LNX2: variants seen among roughly 807,000 people sequenced by gnomAD.
LNX2 encodes ligand of numb-protein X 2.
A neutral mutation model predicts 66.2 loss-of-function variants in LNX2; 35 were observed. That is an observed-to-expected ratio of 0.53 (90% CI 0.40 to 0.70). LNX2 has a LOEUF of 0.70. Among genes scored for constraint, LNX2 ranks in the 30% least tolerant of loss-of-function variants. LNX2 has a pLI of 0.00. For missense variants in LNX2, 791 were observed against 850.8 expected, an observed-to-expected ratio of 0.93 and a Z score of 0.87; for synonymous variants, 337 against 315.6, an observed-to-expected ratio of 1.07 and a Z score of -0.72.
At chr13:27,574,322 T>C (rs1206210911) in intron 2 of LNX2, among the ~76,000 whole-genome samples, 1 of 152,156 alleles carries the variant, frequency 6.6e-6, no homozygotes, top group Non-Finnish European at 1.5e-5. Flanking sequence ...CGCATGCCTG[T>C]AATCTCAGCT....
rs991909584 is a variant in LNX2 at position 27,546,329 on chromosome 13, T to C, written c.*2006A>G. ...CACATTCTTACAAACTTTAAAAAAATAGCAAAGTTGGTTACAAAATTCTAT... is the reference window on the plus strand; with the variant it reads ...CACATTCTTACAAACTTTAAAAAAACAGCAAAGTTGGTTACAAAATTCTAT... On this transcript the variant is annotated 3_prime_UTR_variant, in exon 10 of 10. Coordinates refer to ENST00000316334, the MANE Select transcript of LNX2 (RefSeq NM_153371.4). 1 of 152,288 alleles carries C rather than the reference T, an allele frequency of 6.6e-6. No homozygotes were observed. The highest frequency in any genetic ancestry group is 1.9e-4 in the East Asian group (1 of 5,190). 9.4% of individuals were successfully genotyped at this position (152,288 alleles called of 1,614,324 possible). A position where few individuals can be genotyped will look rare whatever the true frequency, so the allele number is the denominator to read the frequency against.
chr13:27,598,651 C>A (rs565530410), intron 1 of LNX2, among the ~76,000 whole-genome samples: 12 of 152,174 alleles, frequency 7.9e-5, no homozygotes, highest in Middle Eastern at 3.4e-3. Context: ...GAGAGTAAGG[C>A]CCAAGACCTA....
At position 27,587,929 on chromosome 13, in the gene LNX2, A is replaced by G. The variant is rs189076465; in HGVS notation, c.-100-6126T>C. Among the ~76,000 whole-genome samples, 43 of 151,200 alleles carry G rather than the reference A, an allele frequency of 2.8e-4. No individual in the cohort carries two copies. The East Asian group carries it at 6.3e-3, about 22-fold the overall frequency. On this transcript the variant is annotated intron_variant, in intron 1 of 9. Transcript: ENST00000316334. ...CCAGCTTCTCAGGAGGCTGAGGCAG[A>G]AGAATGGCGTGAGCCCTGGAGGCAG...
At position 27,547,670 on chromosome 13, in the gene LNX2, C is replaced by T. The variant is rs1954956909; in HGVS notation, c.*665G>A. The stretch of plus-strand genomic sequence containing the variant: ...AGGAGATCGAGACCATCCTGGCTAA[C>T]ACGGTGAAACCCCGTCTCTACTAAA... On this transcript the variant is annotated 3_prime_UTR_variant, in exon 10 of 10. Coordinates refer to ENST00000316334, the MANE Select transcript of LNX2 (RefSeq NM_153371.4). The T allele has an allele frequency of 6.6e-6, 1 of 152,304 alleles. No individual in the cohort carries two copies. The highest frequency in any genetic ancestry group is 1.5e-5 in the Non-Finnish European group (1 of 68,142). The allele number at this position is 152,304 out of a possible 1,614,324, so 9.4% of individuals were successfully genotyped here. A position where few individuals can be genotyped will look rare whatever the true frequency, so the allele number is the denominator to read the frequency against.
At chr13:27,575,148 GAATT>G (rs1179595817) in intron 2 of LNX2, among the ~76,000 whole-genome samples, 1 of 152,148 alleles carries the variant, frequency 6.6e-6, no homozygotes, top group Non-Finnish European at 1.5e-5. Flanking sequence ...GTACAGTACT[GAATT>G]ATTTGGTTTG....
chr13:27,556,521 A>T, intron 6 of LNX2, 108 bp from the exon 7 acceptor site: 1 of 923,668 alleles, frequency 1.1e-6, no homozygotes, highest in East Asian at 2.6e-5. Context: ...TAAAGTAATT[A>T]TTTTTTATTC....
chr13:27,569,015 T>G lies in LNX2; in HGVS notation c.655+14A>C, dbSNP rs552636740. 22 of 1,604,384 alleles carry G rather than the reference T, an allele frequency of 1.4e-5. No homozygotes were observed. In the African/African-American group the frequency reaches 1.5e-4, roughly 11 times the overall value. On this transcript the variant is annotated intron_variant, in intron 3 of 9. Transcript: ENST00000316334. ...AATAGAGATGAAATACACAAGGAGT[T>G]GCACCACACATACTGTCAGCTCCAG...
intron 7 of LNX2, 88 bp downstream of exon 7, chr13:27,556,148 A>C: frequency 7.9e-7 from 1 of 1,262,752 alleles, no homozygotes; most frequent in Non-Finnish European, 1.1e-6. Flanking sequence ...CATGTTTAAT[A>C]GATACTTTGT....
intron 3 of LNX2, among the ~76,000 whole-genome samples, chr13:27,568,157 A>G (rs1955229111): frequency 6.6e-6 from 1 of 152,186 alleles, no homozygotes; most frequent in South Asian, 2.1e-4. Flanking sequence ...TTGGACCACG[A>G]AACAACTGTA....
intron 2 of LNX2, among the ~76,000 whole-genome samples, chr13:27,581,032 TTGAATA>T (rs1482618245): frequency 1.3e-5 from 2 of 152,246 alleles, no homozygotes; most frequent in East Asian, 1.9e-4. Flanking sequence ...TGTCATCTAT[TTGAATA>T]TATCAGTTTC....
chr13:27,594,615 T>C (rs775506776), intron 1 of LNX2, among the ~76,000 whole-genome samples: 1 of 152,210 alleles, frequency 6.6e-6, no homozygotes, highest in Non-Finnish European at 1.5e-5. Flanking sequence ...TCTAACTTTA[T>C]TTTTCTCCCA....
intron 8 of LNX2, among the ~76,000 whole-genome samples, chr13:27,551,617 T>C (rs1955008708): frequency 1.3e-5 from 2 of 150,696 alleles, no homozygotes; most frequent in South Asian, 2.1e-4. Context: ...ATAATAAATA[T>C]ACATAATATA....
intron 9 of LNX2, 80 bp downstream of exon 9, chr13:27,550,253 G>C: frequency 7.9e-7 from 1 of 1,261,574 alleles, no homozygotes; most frequent in Non-Finnish European, 1.1e-6. Flanking sequence ...GCTGGATTTA[G>C]TGCTGACCCC....
chr13:27,609,692 T>A (rs1955753691), intron 1 of LNX2, among the ~76,000 whole-genome samples: 2 of 152,346 alleles, frequency 1.3e-5, no homozygotes, highest in South Asian at 4.1e-4. Context: ...AGTTGACTGA[T>A]GTTTAATAAC....
At chr13:27,584,692 A>G (rs912922229) in intron 1 of LNX2, among the ~76,000 whole-genome samples, 1 of 151,988 alleles carries the variant, frequency 6.6e-6, no homozygotes, top group Non-Finnish European at 1.5e-5. Context: ...TCTCTAAATA[A>G]ATAAAAATTT....
intron 1 of LNX2, among the ~76,000 whole-genome samples, chr13:27,608,806 T>TGTTTTGTTTC (rs1955744639): frequency 6.6e-6 from 1 of 152,098 alleles, no homozygotes. Flanking sequence ...TTTTTTGTTT[T>TGTTTTGTTTC]GTTTTGTTTT....
At chr13:27,619,292 G>A (rs536990704) in intron 1 of LNX2, among the ~76,000 whole-genome samples, 3 of 152,238 alleles carry the variant, frequency 2.0e-5, no homozygotes, top group Admixed American at 1.3e-4. Flanking sequence ...CCAGATTCCC[G>A]CTTCCTTCTT....
intron 1 of LNX2, among the ~76,000 whole-genome samples, chr13:27,605,310 G>A (rs965032181): frequency 4.6e-5 from 7 of 152,126 alleles, no homozygotes; most frequent in Admixed American, 6.5e-5. Context: ...CTTTAAAACT[G>A]AAACCAGGGT....
Position 27,566,717 on chromosome 13 carries a change from G to A in LNX2, c.855+923C>T, listed in dbSNP as rs936582535. On this transcript the variant is annotated intron_variant, in intron 4 of 9. Coordinates refer to ENST00000316334, the MANE Select transcript of LNX2 (RefSeq NM_153371.4). The stretch of plus-strand genomic sequence containing the variant: ...AGAAGTGGCAGGAAAATGGAAGTAG[G>A]GGGTAGATATCAACAGGTCATGGTG... Among the ~76,000 whole-genome samples the A allele has an allele frequency of 1.4e-4, 21 of 152,136 alleles. 1 individual carries two copies. The highest frequency in any genetic ancestry group is 2.8e-4 in the Non-Finnish European group (19 of 68,022).
Sources: gnomAD v4.1 joint callset for allele counts (sites outside exome capture counted in the v4.1 genomes callset) on GRCh38, gnomAD v4.1.1 for gene constraint, MANE v1.5 for transcripts, NCBI Gene and HGNC (gene_info 2026-07-23, HGNC 2026-07-21) for gene names.